ST6GALNAC3: variants seen among roughly 807,000 people sequenced by gnomAD.
The protein encoded by ST6GALNAC3 is alpha-N-acetylgalactosaminide alpha-2,6-sialyltransferase 3.
In ST6GALNAC3, 25 loss-of-function variants were observed where a neutral mutation model predicts 32.7. The observed-to-expected ratio is 0.76, with a 90% CI of 0.56 to 1.07. The LOEUF (loss-of-function observed/expected upper bound fraction) is 1.07, where lower values mean the gene tolerates loss of function less well. ST6GALNAC3 is among the 50% of genes least tolerant of loss of function. ST6GALNAC3 has a pLI of 0.00. For synonymous variants in ST6GALNAC3, 129 were observed against 133.1 expected, an observed-to-expected ratio of 0.97 and a Z score of 0.21; for missense variants, 355 against 382.4, an observed-to-expected ratio of 0.93 and a Z score of 0.60.
chr1:76,541,803 C>T (rs315068), intron 3 of ST6GALNAC3, among the ~76,000 whole-genome samples: 17,817 of 152,142 alleles, frequency 0.12, 1,206 homozygotes, highest in East Asian at 0.2. Context: ...CCCATCATCT[C>T]GTCACACCTG....
intron 2 of ST6GALNAC3, among the ~76,000 whole-genome samples, chr1:76,332,462 G>T (rs1039656791): frequency 1.3e-5 from 2 of 152,088 alleles, no homozygotes; most frequent in Non-Finnish European, 2.9e-5. Context: ...TTGAGATAAG[G>T]TACTAACTTC....
rs372975129 is a variant in ST6GALNAC3, at chr1:76,315,953, T to C, written c.213+1954T>C. ...AGTCCAGAGTACCAGAATTTATATG[T>C]ACATTTTAAAGATCCTGGACTTGGG... On this transcript the variant is annotated intron_variant, in intron 2 of 4. Coordinates refer to ENST00000328299, the MANE Select transcript of ST6GALNAC3 (RefSeq NM_152996.4). Among the ~76,000 whole-genome samples, 50 of 152,240 alleles carry C rather than the reference T, an allele frequency of 3.3e-4. 1 individual carries two copies. The highest frequency in any genetic ancestry group is 3.4e-3 in the Middle Eastern group (1 of 294).
intron 1 of ST6GALNAC3, among the ~76,000 whole-genome samples, chr1:76,129,032 G>C (rs1422177014): frequency 6.6e-6 from 1 of 152,180 alleles, no homozygotes; most frequent in Non-Finnish European, 1.5e-5. Flanking sequence ...TGCTCTTGCT[G>C]TTTCCCCAAA....
chr1:76,425,660 A>G (rs1263656617), intron 3 of ST6GALNAC3, among the ~76,000 whole-genome samples: 1 of 151,976 alleles, frequency 6.6e-6, no homozygotes, highest in African/African-American at 2.4e-5. Context: ...TTTATAAACC[A>G]TGTTCATCAG....
intron 1 of ST6GALNAC3, among the ~76,000 whole-genome samples, chr1:76,138,976 C>T (rs954574126): frequency 1.3e-5 from 2 of 152,088 alleles, no homozygotes; most frequent in African/African-American, 2.4e-5. Context: ...GGGCGGATTA[C>T]GAGGTCAGGA....
chr1:76,486,560 T>C (rs905004196), intron 3 of ST6GALNAC3, among the ~76,000 whole-genome samples: 4 of 152,228 alleles, frequency 2.6e-5, no homozygotes, highest in African/African-American at 7.2e-5. Flanking sequence ...TGCCTTTTTT[T>C]TGTTTTCCCT....
intron 3 of ST6GALNAC3, among the ~76,000 whole-genome samples, chr1:76,489,168 A>C (rs985954849): frequency 1.3e-5 from 2 of 152,192 alleles, no homozygotes; most frequent in Non-Finnish European, 2.9e-5. Flanking sequence ...AGTGTTCTCC[A>C]TTGCAAACAT....
chr1:76,130,144 T>C (rs1375015397), intron 1 of ST6GALNAC3, among the ~76,000 whole-genome samples: 1 of 152,214 alleles, frequency 6.6e-6, no homozygotes, highest in East Asian at 1.9e-4. Flanking sequence ...AGCATATACA[T>C]GAGTGATAAA....
chr1:76,533,619 C>T (rs1003986808), intron 3 of ST6GALNAC3, among the ~76,000 whole-genome samples: 7 of 152,134 alleles, frequency 4.6e-5, no homozygotes, highest in Non-Finnish European at 1.0e-4. Context: ...GCACCTTTCC[C>T]TCCAGGCAGA....
intron 1 of ST6GALNAC3, among the ~76,000 whole-genome samples, chr1:76,169,763 T>C (rs949786429): frequency 2.0e-5 from 3 of 152,218 alleles, no homozygotes; most frequent in African/African-American, 7.2e-5. Context: ...AATACTTGTG[T>C]TTGCATTATG....
At position 76,415,159 on chromosome 1, in the gene ST6GALNAC3, T is replaced by C. The variant is rs183999076; in HGVS notation, c.623+2742T>C. Among the ~76,000 whole-genome samples, 228 of 147,648 alleles carry C rather than the reference T, an allele frequency of 1.5e-3. 1 individual carries two copies. The highest frequency in any genetic ancestry group is 0.014 in the Middle Eastern group (4 of 282). ...CTGGTATTTATGTATTGAGGCTTGG[T>C]TGGATTCATGTCTTTTTTTTTTTTT... On this transcript the variant is annotated intron_variant, in intron 3 of 4. Transcript: ENST00000328299.
intron 1 of ST6GALNAC3, among the ~76,000 whole-genome samples, chr1:76,113,277 G>A (rs1042349965): frequency 1.3e-5 from 2 of 148,536 alleles, no homozygotes; most frequent in African/African-American, 4.9e-5. Flanking sequence ...GCAGTGAGCC[G>A]AGATGGCAGC....
downstream of ST6GALNAC3, chr1:76,634,635 A>G (rs1178624832): frequency 6.6e-6 from 1 of 151,716 alleles, no homozygotes; most frequent in Non-Finnish European, 1.5e-5. Context: ...GTTTTACAAC[A>G]GGACAAGTAA....
intron 3 of ST6GALNAC3, among the ~76,000 whole-genome samples, chr1:76,488,518 A>G (rs1418052462): frequency 6.6e-6 from 1 of 152,210 alleles, no homozygotes. Flanking sequence ...AACTAACAAC[A>G]TGAAAACCAG....
At chr1:76,541,580 C>CT (rs1663994597) in intron 3 of ST6GALNAC3, among the ~76,000 whole-genome samples, 1 of 152,212 alleles carries the variant, frequency 6.6e-6, no homozygotes, top group Admixed American at 6.5e-5. Flanking sequence ...GGAGCATCTG[C>CT]TTTTTGTGAC....
At position 76,074,828 on chromosome 1, in the gene ST6GALNAC3, G is replaced by A. The variant is rs908439107; in HGVS notation, c.-39G>A. On this transcript the variant is annotated 5_prime_UTR_variant, in exon 1 of 5. Transcript: ENST00000328299. ...CCCCAGGACTGCCCCTGACCCAGGC[G>A]CGCCCGCTGCTCGGTGGCAGGAGGG... The A allele has an allele frequency of 1.3e-6, 2 of 1,568,888 alleles. No homozygotes were observed. Among genetic ancestry groups the A allele is most frequent in the African/African-American group, 1.4e-5 (1 of 73,978 alleles).
In ST6GALNAC3 at chr1:76,347,240, A is replaced by G. The variant is rs137889075; in HGVS notation, c.213+33241A>G. On this transcript the variant is annotated intron_variant, in intron 2 of 4. Coordinates refer to ENST00000328299, the MANE Select transcript of ST6GALNAC3 (RefSeq NM_152996.4). ...CAAATGATTTCTAACAATAGAGAATAAAACAGTAGAGAATAAAATGTTAGG... is the reference window on the plus strand; with the variant it reads ...CAAATGATTTCTAACAATAGAGAATGAAACAGTAGAGAATAAAATGTTAGG... Among the ~76,000 whole-genome samples, 258 of 152,288 alleles carry G rather than the reference A, an allele frequency of 1.7e-3. 1 individual carries two copies. The highest frequency in any genetic ancestry group is 6.0e-3 in the African/African-American group (250 of 41,560).
chr1:76,562,628 A>G (rs1474215661), intron 3 of ST6GALNAC3, among the ~76,000 whole-genome samples: 1 of 152,222 alleles, frequency 6.6e-6, no homozygotes, highest in Admixed American at 6.5e-5. Flanking sequence ...GTGGAGAATC[A>G]TTTAAATTAT....
intron 1 of ST6GALNAC3, among the ~76,000 whole-genome samples, chr1:76,099,089 A>C (rs1163371639): frequency 6.6e-6 from 1 of 152,080 alleles, no homozygotes; most frequent in Non-Finnish European, 1.5e-5. Context: ...TTTTCTGGAT[A>C]TGTTGCTAAA....
Sources: allele counts gnomAD v4.1 joint callset (sites outside exome capture counted in the v4.1 genomes callset), GRCh38; gene constraint gnomAD v4.1.1; transcripts MANE v1.5; gene names NCBI Gene and HGNC (gene_info 2026-07-23, HGNC 2026-07-21).